The following SIPA1L2 variants were observed in gnomAD, a reference collection of about 807,000 sequenced individuals.
SIPA1L2 encodes the protein signal-induced proliferation-associated 1-like protein 2.
In SIPA1L2, 56 loss-of-function variants were observed where a neutral mutation model predicts 163.9. That is an observed-to-expected ratio of 0.34 (90% CI 0.28 to 0.43). The LOEUF is 0.43. Among genes scored for constraint, SIPA1L2 ranks in the 20% least tolerant of loss-of-function variants. The pLI is 1.00. For missense variants in SIPA1L2, 1,974 were observed against 2,193.5 expected, an observed-to-expected ratio of 0.90 and a Z score of 2.00; for synonymous variants, 877 against 865.7, an observed-to-expected ratio of 1.01 and a Z score of -0.23.
Position 232,461,166 on chromosome 1 carries a change from G to A in SIPA1L2, c.2821-5C>T, listed in dbSNP as rs142529264. The A allele has an allele frequency of 1.2e-6, 2 of 1,612,772 alleles. No homozygotes were observed. The highest frequency in any genetic ancestry group is 3.3e-5 in the Admixed American group (2 of 59,968). ...CTCGCAGCCTCTCGTCACTATCTAA[G>A]GGGGAAGGAGACTGTTAGAGATGCC... is the stretch of plus-strand genomic sequence containing the variant. On this transcript the variant is annotated splice_polypyrimidine_tract_variant and splice_region_variant and intron_variant, in intron 9 of 22. Coordinates refer to ENST00000674635, the MANE Select transcript of SIPA1L2 (RefSeq NM_020808.5).
chr1:232,520,791 C>G (rs1471575716), intron 2 of SIPA1L2, among the ~76,000 whole-genome samples: 1 of 152,196 alleles, frequency 6.6e-6, no homozygotes, highest in Non-Finnish European at 1.5e-5. Context: ...TACCCTCTCT[C>G]TGTGGCCAAG....
At chr1:232,426,093 T>G (rs1017173381) in intron 17 of SIPA1L2, among the ~76,000 whole-genome samples, 5 of 152,194 alleles carry the variant, frequency 3.3e-5, no homozygotes, top group Non-Finnish European at 5.9e-5. Flanking sequence ...AAATAAAACC[T>G]CCATAACCTT....
At chr1:232,604,300 A>G (rs1318986493) in intron 1 of SIPA1L2, among the ~76,000 whole-genome samples, 1 of 152,084 alleles carries the variant, frequency 6.6e-6, no homozygotes, top group Non-Finnish European at 1.5e-5. Context: ...ACTAAAATTC[A>G]CTCCACTTTT....
intron 2 of SIPA1L2, among the ~76,000 whole-genome samples, chr1:232,537,173 G>A (rs1657352935): frequency 6.6e-6 from 1 of 152,102 alleles, no homozygotes; most frequent in Non-Finnish European, 1.5e-5. Flanking sequence ...GGAGGTTGAG[G>A]CTACAGTGAA....
At chr1:232,596,040 T>C (rs1298571736) in intron 1 of SIPA1L2, among the ~76,000 whole-genome samples, 1 of 152,194 alleles carries the variant, frequency 6.6e-6, no homozygotes, top group Non-Finnish European at 1.5e-5. Flanking sequence ...TCATGAATGA[T>C]GCCTTTGGGA....
chr1:232,480,079 T>C (rs2102968609), intron 6 of SIPA1L2, among the ~76,000 whole-genome samples: 1 of 152,166 alleles, frequency 6.6e-6, no homozygotes. Flanking sequence ...GAGAAGCTGG[T>C]CCAGGTCTGG....
chr1:232,613,952 G>A (rs1354374918), intron 1 of SIPA1L2, among the ~76,000 whole-genome samples: 2 of 152,160 alleles, frequency 1.3e-5, no homozygotes, highest in Non-Finnish European at 2.9e-5. Context: ...ACACTTAGCA[G>A]GAGGGCATTG....
chr1:232,502,427 G>A (rs1666528147), intron 3 of SIPA1L2, among the ~76,000 whole-genome samples: 1 of 152,120 alleles, frequency 6.6e-6, no homozygotes, highest in Non-Finnish European at 1.5e-5. Context: ...CACCTGAGAG[G>A]TTACACTGCA....
At position 232,429,570 on chromosome 1, in the gene SIPA1L2, G is replaced by GCA. The variant is rs137893937; in HGVS notation, c.4257-1008_4257-1007dup. Among the ~76,000 whole-genome samples the GCA allele has an allele frequency of 5.6e-3, 847 of 150,406 alleles. 11 individuals carry two copies. Among genetic ancestry groups the GCA allele is most frequent in the African/African-American group, 0.02 (801 of 40,822 alleles). ...TTCCCTGTACCTCTCAGTTCTTGAA[G>GCA]CACAAGCTACAGTTACAACATGAAC... On this transcript the variant is annotated intron_variant, in intron 16 of 22. Transcript: ENST00000674635.
intron 2 of SIPA1L2, among the ~76,000 whole-genome samples, chr1:232,555,099 G>A (rs1340759594): frequency 6.6e-6 from 1 of 152,100 alleles, no homozygotes; most frequent in African/African-American, 2.4e-5. Context: ...AAAACTTCTA[G>A]GTTCTAAATC....
In SIPA1L2 at chr1:232,465,463, T is replaced by A; in HGVS notation, c.2244-47A>T. The A allele has an allele frequency of 6.7e-7, 1 of 1,503,720 alleles. No individual in the cohort carries two copies. Among genetic ancestry groups the A allele is most frequent in the Non-Finnish European group, 9.0e-7 (1 of 1,107,498 alleles). The allele number at this position is 1,503,720 out of a possible 1,614,324, so 93.1% of individuals were successfully genotyped here. A position where few individuals can be genotyped will look rare whatever the true frequency, so the allele number is the denominator to read the frequency against. On this transcript the variant is annotated intron_variant, in intron 8 of 22. Transcript: ENST00000674635. This position sits in a 1 kb window ranked among gnomAD's most constrained non-coding sequence, Gnocchi z 4.1. ...CAAAATGAGATGAGCTATGATACCA[T>A]AATATGTATCTTTCCGAATTTGACA...
At chr1:232,484,667 T>C (rs916527826) in intron 5 of SIPA1L2, among the ~76,000 whole-genome samples, 1 of 152,232 alleles carries the variant, frequency 6.6e-6, no homozygotes, top group Non-Finnish European at 1.5e-5. Context: ...AATCCTATCT[T>C]ACAGTCAATG....
intron 1 of SIPA1L2, among the ~76,000 whole-genome samples, chr1:232,624,149 T>A (rs567633449): frequency 6.6e-6 from 1 of 152,118 alleles, no homozygotes; most frequent in African/African-American, 2.4e-5. Context: ...CATACATACA[T>A]GAACACTTAG....
At chr1:232,410,076 T>C (rs1558153146) in intron 19 of SIPA1L2, among the ~76,000 whole-genome samples, 1 of 152,174 alleles carries the variant, frequency 6.6e-6, no homozygotes. Context: ...CTTTTTTTCT[T>C]TGCATTCCTT....
intron 2 of SIPA1L2, among the ~76,000 whole-genome samples, chr1:232,566,077 G>T (rs886851209): frequency 1.3e-5 from 2 of 152,190 alleles, no homozygotes; most frequent in Middle Eastern, 3.2e-3. Context: ...GGAAAATATA[G>T]ATGTTGGAAA....
In SIPA1L2 at chr1:232,398,359, C is replaced by T. The variant is rs1660142412; in HGVS notation, c.*768G>A. The T allele has an allele frequency of 6.6e-6, 1 of 152,636 alleles. No individual in the cohort carries two copies. Among genetic ancestry groups the T allele is most frequent in the African/African-American group, 2.4e-5 (1 of 41,444 alleles). The allele number at this position is 152,636 out of a possible 1,614,324, so 9.5% of individuals were successfully genotyped here. A position where few individuals can be genotyped will look rare whatever the true frequency, so the allele number is the denominator to read the frequency against. ...TGAGTAAGCAGATTCACTCTCATTT[C>T]TTTCCAGCAGAGCAACTATACAAAA... On this transcript the variant is annotated 3_prime_UTR_variant, in exon 23 of 23. Coordinates refer to ENST00000674635, the MANE Select transcript of SIPA1L2 (RefSeq NM_020808.5).
At chr1:232,485,163 G>C (rs1460541232) in intron 5 of SIPA1L2, among the ~76,000 whole-genome samples, 1 of 152,166 alleles carries the variant, frequency 6.6e-6, no homozygotes, top group Non-Finnish European at 1.5e-5. Flanking sequence ...AATGCATTCC[G>C]ATCTTGACTA....
rs545426075 is a variant in SIPA1L2, at chr1:232,617,335, C to T, written c.-319+12534G>A. Among the ~76,000 whole-genome samples, 59 of 152,208 alleles carry T rather than the reference C, an allele frequency of 3.9e-4. No individual in the cohort carries two copies. In the South Asian group the frequency reaches 0.012, roughly 30 times the overall value. Reference sequence around the variant, plus strand: ...AAGATGAGACCCAGTGGGGAAACTGCCAAATCAGATAGGAAAATCACACCC... The same window carrying T: ...AAGATGAGACCCAGTGGGGAAACTGTCAAATCAGATAGGAAAATCACACCC... On this transcript the variant is annotated intron_variant, in intron 1 of 22. Coordinates refer to ENST00000674635, the MANE Select transcript of SIPA1L2 (RefSeq NM_020808.5).
chr1:232,413,686 G>T (rs1301859616), intron 19 of SIPA1L2, among the ~76,000 whole-genome samples: 1 of 152,072 alleles, frequency 6.6e-6, no homozygotes, highest in Non-Finnish European at 1.5e-5. Context: ...ATGTATTTTT[G>T]ACAAATACAG....
Sources: allele counts gnomAD v4.1 joint callset (sites outside exome capture counted in the v4.1 genomes callset), GRCh38; gene constraint gnomAD v4.1.1; non-coding constraint Gnocchi (gnomAD v3.1); transcripts MANE v1.5; gene names NCBI Gene and HGNC (gene_info 2026-07-23, HGNC 2026-07-21).